The following CSMD1 variants were observed in gnomAD, a reference collection of about 807,000 sequenced individuals.
The protein encoded by CSMD1 is CUB and Sushi multiple domains 1, also known as CUB and sushi domain-containing protein 1.
CSMD1 carries 213 observed loss-of-function variants against 417.5 expected under a neutral mutation model. The ratio of observed to expected loss-of-function variants is 0.51; its 90% confidence interval spans 0.46 to 0.57. CSMD1 has a LOEUF of 0.57. Among genes scored for constraint, CSMD1 ranks in the 20% least tolerant of loss-of-function variants. The pLI is 0.00. For missense variants in CSMD1, 6,923 were observed against 4,529.7 expected (o/e 1.53, Z -15.17); for synonymous variants, 2,862 against 1,736.8 (o/e 1.65, Z -16.11).
At chr8:4,269,791 C>T (rs1804458000) in intron 3 of CSMD1, among the ~76,000 whole-genome samples, 1 of 152,172 alleles carries the variant, frequency 6.6e-6, no homozygotes, top group Non-Finnish European at 1.5e-5. Context: ...AAATTATATA[C>T]AGGTGATACC....
At chr8:4,043,643 T>C (rs954121426) in intron 3 of CSMD1, among the ~76,000 whole-genome samples, 10 of 152,198 alleles carry the variant, frequency 6.6e-5, no homozygotes, top group African/African-American at 2.4e-4. Context: ...ATTTTTTAAT[T>C]CTAGGAGTGG....
intron 25 of CSMD1, among the ~76,000 whole-genome samples, chr8:3,295,384 C>T (rs1474432600): frequency 2.6e-5 from 4 of 152,042 alleles, no homozygotes; most frequent in Admixed American, 2.0e-4. Flanking sequence ...CCTCGGCCTC[C>T]CAAAGTGCTG....
chr8:3,139,317 T>C (rs1818296150), intron 41 of CSMD1, among the ~76,000 whole-genome samples: 1 of 152,090 alleles, frequency 6.6e-6, no homozygotes, highest in South Asian at 2.1e-4. Flanking sequence ...CCTATATAGC[T>C]AAAGTCAGTT....
chr8:4,758,551 G>T (rs145299743), intron 1 of CSMD1, among the ~76,000 whole-genome samples: 1 of 152,156 alleles, frequency 6.6e-6, no homozygotes, highest in Non-Finnish European at 1.5e-5. Flanking sequence ...AAACGTCAGT[G>T]TATTAGTCCA....
intron 7 of CSMD1, among the ~76,000 whole-genome samples, chr8:3,701,093 A>G (rs1481526245): frequency 1.3e-5 from 2 of 151,956 alleles, no homozygotes; most frequent in African/African-American, 4.8e-5. Context: ...TAGGGACTGA[A>G]TGGTGGAAGT....
At chr8:3,786,288 A>G (rs1269261295) in intron 5 of CSMD1, among the ~76,000 whole-genome samples, 5 of 152,258 alleles carry the variant, frequency 3.3e-5, no homozygotes, top group South Asian at 2.1e-4. Context: ...GGAGGTTAGA[A>G]GAGACCTGAG....
chr8:3,170,951 A>C (rs1820546233), intron 37 of CSMD1, among the ~76,000 whole-genome samples: 1 of 152,216 alleles, frequency 6.6e-6, no homozygotes, highest in Non-Finnish European at 1.5e-5. Context: ...TAAAGCGGGC[A>C]CACAATGTTG....
intron 6 of CSMD1, among the ~76,000 whole-genome samples, chr8:3,711,411 G>A (rs1299632212): frequency 6.6e-6 from 1 of 152,146 alleles, no homozygotes; most frequent in Non-Finnish European, 1.5e-5. Flanking sequence ...AAAGCCCAGA[G>A]ACAGACAGTC....
At chr8:3,640,462 G>C (rs920126256) in intron 7 of CSMD1, among the ~76,000 whole-genome samples, 1 of 152,116 alleles carries the variant, frequency 6.6e-6, no homozygotes, top group South Asian at 2.1e-4. Flanking sequence ...CCTCAACTCT[G>C]GAAATAGTTG....
In CSMD1 at chr8:3,182,578, CTGTGTGTGTGTGTGTGTG is replaced by C. The variant is rs35090952; in HGVS notation, c.5621-1382_5621-1365del. 1.4e-3 allele frequency among the ~76,000 whole-genome samples: 129 copies of C among 94,166 alleles called. 5 individuals carry two copies. Among genetic ancestry groups the C allele is most frequent in the South Asian group, 4.5e-3 (9 of 1,992 alleles). The allele number at this position is 94,166 out of a possible 152,430, so 61.8% of individuals were successfully genotyped here. A position where few individuals can be genotyped will look rare whatever the true frequency, so the allele number is the denominator to read the frequency against. ...ACTCTGGCTGTCTTTTTATAAGAAG[CTGTGTGTGTGTGTGTGTG>C]TGTGTGTGTGTGTGTGTGTGTGTGT... On this transcript the variant is annotated intron_variant, in intron 36 of 69. Coordinates refer to ENST00000635120, the MANE Select transcript of CSMD1 (RefSeq NM_033225.6).
chr8:2,949,494 T>C, intron 67 of CSMD1, 108 bp from the exon 68 acceptor site: 1 of 500,374 alleles, frequency 2.0e-6, no homozygotes, highest in Non-Finnish European at 3.4e-6. Flanking sequence ...CATATTTAGA[T>C]ACTACTGGTT....
chr8:3,274,422 G>T (rs1231862011), intron 26 of CSMD1, among the ~76,000 whole-genome samples: 2 of 152,138 alleles, frequency 1.3e-5, no homozygotes, highest in Non-Finnish European at 2.9e-5. Flanking sequence ...GGGGTGGAGA[G>T]TTCTGTAGAT....
Position 3,523,949 on chromosome 8 carries a change from A to ATACACATGCACACT in CSMD1, c.1345-30237_1345-30224dup, listed in dbSNP as rs561650748. ...TATGCATGCACACTCAGACACGTGCATACACATGCACACTTACACATGCAC... is the reference window on the plus strand; with the variant it reads ...TATGCATGCACACTCAGACACGTGCATACACATGCACACTTACACATGCACACTTACACATGCAC... On this transcript the variant is annotated intron_variant, in intron 10 of 69. Transcript: ENST00000635120. Among the ~76,000 whole-genome samples the ATACACATGCACACT allele has an allele frequency of 8.3e-3, 1,256 of 151,298 alleles. 16 individuals are homozygous for ATACACATGCACACT. Among genetic ancestry groups the ATACACATGCACACT allele is most frequent in the African/African-American group, 0.029 (1,171 of 41,000 alleles).
At chr8:4,560,442 G>A (rs779430695) in intron 2 of CSMD1, among the ~76,000 whole-genome samples, 1 of 152,140 alleles carries the variant, frequency 6.6e-6, no homozygotes, top group Non-Finnish European at 1.5e-5. Context: ...TAGCAATTAT[G>A]CTTCTGCAAT....
intron 3 of CSMD1, among the ~76,000 whole-genome samples, chr8:4,292,833 T>C (rs1563401555): frequency 6.6e-6 from 1 of 152,096 alleles, no homozygotes; most frequent in Non-Finnish European, 1.5e-5. Flanking sequence ...AGAGTCAGGG[T>C]CCCTAAGAAT....
At chr8:3,466,522 G>T (rs939539978) in intron 12 of CSMD1, among the ~76,000 whole-genome samples, 1 of 150,426 alleles carries the variant, frequency 6.6e-6, no homozygotes, top group Admixed American at 6.6e-5. Flanking sequence ...CGATTCTTCT[G>T]CCCCAGCCTC....
In CSMD1 at chr8:4,314,603, T is replaced by TCA. The variant is rs10610837; in HGVS notation, c.415+105348_415+105349dup. Among the ~76,000 whole-genome samples the TCA allele has an allele frequency of 1.9e-3, 291 of 150,496 alleles. 1 individual carries two copies. The highest frequency in any genetic ancestry group is 5.3e-3 in the African/African-American group (216 of 40,964). On this transcript the variant is annotated intron_variant, in intron 3 of 69. Transcript: ENST00000635120. ...TTATGCTACTGGTTGTATTACATTT[T>TCA]CACACACACACACACACACACACAA...
chr8:3,461,226 G>T (rs1363196072), intron 12 of CSMD1, among the ~76,000 whole-genome samples: 1 of 152,218 alleles, frequency 6.6e-6, no homozygotes, highest in African/African-American at 2.4e-5. Flanking sequence ...AGAAGAAGAT[G>T]CAAGGGCTAC....
At chr8:4,750,197 C>T (rs1241850410) in intron 1 of CSMD1, among the ~76,000 whole-genome samples, 2 of 151,788 alleles carry the variant, frequency 1.3e-5, no homozygotes. Flanking sequence ...TTAGTAGAGA[C>T]AGGGTTTCAC....
Sources: gnomAD v4.1 joint callset for allele counts (sites outside exome capture counted in the v4.1 genomes callset) on GRCh38, gnomAD v4.1.1 for gene constraint, MANE v1.5 for transcripts, NCBI Gene and HGNC (gene_info 2026-07-23, HGNC 2026-07-21) for gene names.